GPC6: variants seen among roughly 807,000 people sequenced by gnomAD.
The protein encoded by GPC6 is glypican 6, also known as glypican-6.
In GPC6, 14 loss-of-function variants were observed where a neutral mutation model predicts 55.2. The ratio of observed to expected loss-of-function variants is 0.25; its 90% confidence interval spans 0.17 to 0.40. The LOEUF (loss-of-function observed/expected upper bound fraction) is 0.40, where lower values mean the gene tolerates loss of function less well. Ranked by LOEUF, GPC6 falls within the 10% of genes least tolerant of loss-of-function variation. GPC6 has a pLI of 1.00. For synonymous variants in GPC6, 278 were observed against 259.6 expected, an observed-to-expected ratio of 1.07 and a Z score of -0.68; for missense variants, 641 against 708.5, an observed-to-expected ratio of 0.90 and a Z score of 1.08.
intron 2 of GPC6, among the ~76,000 whole-genome samples, chr13:93,660,561 T>C (rs1479851569): frequency 6.6e-6 from 1 of 152,226 alleles, no homozygotes; most frequent in Admixed American, 6.5e-5. Context: ...GATATATAAA[T>C]TCAAGCTTTG....
chr13:93,515,081 C>T (rs1428566037), intron 1 of GPC6, among the ~76,000 whole-genome samples: 1 of 152,118 alleles, frequency 6.6e-6, no homozygotes, highest in Non-Finnish European at 1.5e-5. Flanking sequence ...AAACAGAGAG[C>T]TTGTCTCCTT....
At chr13:93,702,038 C>A (rs1034252693) in intron 2 of GPC6, among the ~76,000 whole-genome samples, 11 of 152,040 alleles carry the variant, frequency 7.2e-5, no homozygotes, top group Non-Finnish European at 4.4e-5. Flanking sequence ...AGAGTGAACT[C>A]TTTCCAGAAG....
chr13:93,866,822 G>A (rs949385752), intron 3 of GPC6, among the ~76,000 whole-genome samples: 10 of 151,712 alleles, frequency 6.6e-5, no homozygotes, highest in South Asian at 2.1e-4. Context: ...CCCCCATTAC[G>A]TATGTTTACT....
chr13:94,370,382 T>C (rs1281258446), intron 6 of GPC6, among the ~76,000 whole-genome samples: 1 of 152,252 alleles, frequency 6.6e-6, no homozygotes, highest in Admixed American at 6.5e-5. Flanking sequence ...AGGACTATAA[T>C]GTTTGTTCCT....
Position 93,226,834 on chromosome 13 carries a change from G to A in GPC6, c.-623G>A, listed in dbSNP as rs319522. On this transcript the variant is annotated 5_prime_UTR_variant, in exon 1 of 9. Coordinates refer to ENST00000377047, the MANE Select transcript of GPC6 (RefSeq NM_005708.5). Reference sequence around the variant, plus strand: ...TTTCTCCTTCCCTCTTGCCTCCAGTGACTGTCTCCAGGATTTCTCTCTTCC... The same window carrying A: ...TTTCTCCTTCCCTCTTGCCTCCAGTAACTGTCTCCAGGATTTCTCTCTTCC... 0.41 allele frequency: 62,361 copies of A among 152,084 alleles called. 13,590 individuals carry two copies. Among genetic ancestry groups the A allele is most frequent in the Non-Finnish European group, 0.46 (31,450 of 68,030 alleles). The allele number at this position is 152,084 out of a possible 1,614,324, so 9.4% of individuals were successfully genotyped here. A position where few individuals can be genotyped will look rare whatever the true frequency, so the allele number is the denominator to read the frequency against.
At chr13:93,687,894 G>A (rs1381516313) in intron 2 of GPC6, among the ~76,000 whole-genome samples, 3 of 145,320 alleles carry the variant, frequency 2.1e-5, no homozygotes, top group Non-Finnish European at 4.4e-5. Flanking sequence ...TGTGTGTTTG[G>A]CTTTTTTTTT....
intron 4 of GPC6, among the ~76,000 whole-genome samples, chr13:94,229,121 C>T (rs1045668655): frequency 1.3e-5 from 2 of 152,098 alleles, no homozygotes; most frequent in South Asian, 2.1e-4. Context: ...GACATCAGTC[C>T]GAATTATGCT....
chr13:93,289,380 T>C lies in GPC6; in HGVS notation c.160+61764T>C, dbSNP rs1000005158. On this transcript the variant is annotated intron_variant, in intron 1 of 8. Transcript: ENST00000377047. ...CAAAACGTGAGAATAGAGATAGATA[T>C]TCTGGAAATATGATGTCCTCAAATT... is the stretch of plus-strand genomic sequence containing the variant. 1.2e-4 allele frequency among the ~76,000 whole-genome samples: 19 copies of C among 152,072 alleles called. 1 individual carries two copies. Among genetic ancestry groups the C allele is most frequent in the Admixed American group, 1.0e-3 (16 of 15,262 alleles).
At chr13:93,826,522 G>GA (rs1009902490) in intron 2 of GPC6, among the ~76,000 whole-genome samples, 72 of 151,646 alleles carry the variant, frequency 4.7e-4, no homozygotes, top group African/African-American at 1.7e-3. Flanking sequence ...CTGAGAGCAT[G>GA]AAAAAAAATA....
At chr13:94,023,362 C>T (rs1882774102) in intron 3 of GPC6, among the ~76,000 whole-genome samples, 2 of 150,928 alleles carry the variant, frequency 1.3e-5, no homozygotes, top group African/African-American at 2.4e-5. Context: ...CATTTTGGAT[C>T]ATTGACATCT....
At chr13:93,388,173 C>A (rs1206309519) in intron 1 of GPC6, among the ~76,000 whole-genome samples, 1 of 152,150 alleles carries the variant, frequency 6.6e-6, no homozygotes, top group Non-Finnish European at 1.5e-5. Context: ...GCTATTTAAA[C>A]CTAGGGCTTC....
chr13:94,153,619 A>T (rs918941855), intron 4 of GPC6, among the ~76,000 whole-genome samples: 6 of 152,206 alleles, frequency 3.9e-5, no homozygotes, highest in African/African-American at 1.4e-4. Flanking sequence ...ATGTAGGAGA[A>T]AAACTTGCTA....
chr13:93,408,288 G>A (rs1430747046), intron 1 of GPC6, among the ~76,000 whole-genome samples: 1 of 152,126 alleles, frequency 6.6e-6, no homozygotes, highest in Non-Finnish European at 1.5e-5. Flanking sequence ...TATAGAGAAG[G>A]CTGAGTCTTC....
At chr13:93,551,912 CA>C (rs1159839551) in intron 2 of GPC6, among the ~76,000 whole-genome samples, 1 of 152,160 alleles carries the variant, frequency 6.6e-6, no homozygotes, top group Non-Finnish European at 1.5e-5. Context: ...TATAATCATA[CA>C]CACACAAACA....
chr13:94,186,662 G>GA (rs1051237147), intron 4 of GPC6, among the ~76,000 whole-genome samples: 7 of 151,946 alleles, frequency 4.6e-5, no homozygotes, highest in Admixed American at 4.6e-4. Flanking sequence ...GCACTTTAAA[G>GA]AAAAAAATGA....
intron 3 of GPC6, among the ~76,000 whole-genome samples, chr13:93,939,710 A>G (rs920321061): frequency 1.3e-5 from 2 of 152,166 alleles, no homozygotes; most frequent in African/African-American, 4.8e-5. Context: ...TCAGTCTCCC[A>G]AAGTGCTAGG....
chr13:93,328,440 G>A (rs780581032), intron 1 of GPC6, among the ~76,000 whole-genome samples: 10 of 152,108 alleles, frequency 6.6e-5, no homozygotes, highest in East Asian at 1.9e-4. Flanking sequence ...TTGGGAGACT[G>A]AGGCACAAGG....
At chr13:93,431,955 G>A (rs576305503) in intron 1 of GPC6, among the ~76,000 whole-genome samples, 52 of 152,234 alleles carry the variant, frequency 3.4e-4, no homozygotes, top group African/African-American at 1.2e-3. Flanking sequence ...GTTTGGTAAA[G>A]TCAGTTTAAT....
At chr13:93,565,015 G>A (rs1251972694) in intron 2 of GPC6, among the ~76,000 whole-genome samples, 1 of 152,130 alleles carries the variant, frequency 6.6e-6, no homozygotes, top group Non-Finnish European at 1.5e-5. Context: ...TCAGAATGTA[G>A]CATTTTTGTC....
Sources: allele counts gnomAD v4.1 joint callset (sites outside exome capture counted in the v4.1 genomes callset), GRCh38; gene constraint gnomAD v4.1.1; transcripts MANE v1.5; gene names NCBI Gene and HGNC (gene_info 2026-07-23, HGNC 2026-07-21).